DENND1B: variants seen among roughly 807,000 people sequenced by gnomAD.
DENND1B encodes DENN domain containing 1B.
A neutral mutation model predicts 90.1 loss-of-function variants in DENND1B; 59 were observed. The observed-to-expected ratio is 0.65, with a 90% CI of 0.53 to 0.81. The LOEUF (loss-of-function observed/expected upper bound fraction) is 0.81, where lower values mean the gene tolerates loss of function less well. Among genes scored for constraint, DENND1B ranks in the 40% least tolerant of loss-of-function variants. The pLI is 0.00. For missense variants in DENND1B, 862 were observed against 912.6 expected (o/e 0.94, Z 0.71); for synonymous variants, 337 against 324.6 (o/e 1.04, Z -0.41).
chr1:197,632,405 T>C (rs900497692), intron 10 of DENND1B, among the ~76,000 whole-genome samples: 2 of 152,124 alleles, frequency 1.3e-5, no homozygotes, highest in Non-Finnish European at 2.9e-5. Flanking sequence ...TAAAGATATA[T>C]TTCCTAGACA....
chr1:197,689,369 T>A (rs909384784), intron 3 of DENND1B: 2 of 152,074 alleles, frequency 1.3e-5, no homozygotes, highest in African/African-American at 4.8e-5. Context: ...TTCAATTATC[T>A]CTCACCAGGT....
intron 15 of DENND1B, among the ~76,000 whole-genome samples, chr1:197,577,526 A>T (rs1673792470): frequency 6.6e-6 from 1 of 152,188 alleles, no homozygotes; most frequent in Non-Finnish European, 1.5e-5. Context: ...CGTGGTCCTT[A>T]GCCATGGTGA....
chr1:197,650,856 A>G (rs1653075076), intron 7 of DENND1B, among the ~76,000 whole-genome samples: 1 of 152,108 alleles, frequency 6.6e-6, no homozygotes, highest in Non-Finnish European at 1.5e-5. Context: ...TGGACTTTGG[A>G]GACTTGGGGA....
At chr1:197,715,174 T>C (rs1660530300) in intron 2 of DENND1B, 100 bp from the exon 3 acceptor site, 3 of 834,276 alleles carry the variant, frequency 3.6e-6, no homozygotes, top group Non-Finnish European at 5.6e-6. Context: ...GCTACTTTAA[T>C]TACAACATTT....
intron 2 of DENND1B, among the ~76,000 whole-genome samples, chr1:197,720,733 C>T (rs1339366203): frequency 3.9e-5 from 6 of 151,944 alleles, no homozygotes; most frequent in Non-Finnish European, 5.9e-5. Flanking sequence ...CTCATTTTGA[C>T]AAAGTAGTAA....
chr1:197,699,524 C>T (rs1186196927), intron 3 of DENND1B, among the ~76,000 whole-genome samples: 6 of 152,142 alleles, frequency 3.9e-5, no homozygotes, highest in Admixed American at 3.9e-4. Context: ...TCTCTCACTA[C>T]TCCTATTCAA....
chr1:197,629,773 T>C (rs1459625263), intron 10 of DENND1B, among the ~76,000 whole-genome samples: 1 of 151,846 alleles, frequency 6.6e-6, no homozygotes, highest in African/African-American at 2.4e-5. Flanking sequence ...GCCACGGACT[T>C]TAGAGGAAAT....
At chr1:197,560,695 A>C (rs182307051) in intron 15 of DENND1B, among the ~76,000 whole-genome samples, 1 of 151,854 alleles carries the variant, frequency 6.6e-6, no homozygotes, top group African/African-American at 2.4e-5. Flanking sequence ...AGCCATAATG[A>C]CTATTTGCAC....
At chr1:197,648,908 A>T (rs1166136311) in intron 7 of DENND1B, among the ~76,000 whole-genome samples, 1 of 152,232 alleles carries the variant, frequency 6.6e-6, no homozygotes, top group Admixed American at 6.5e-5. Flanking sequence ...AATTTGGGTT[A>T]AAAATTCCAG....
chr1:197,529,950 T>G (rs1460975599), intron 20 of DENND1B, among the ~76,000 whole-genome samples: 3 of 152,126 alleles, frequency 2.0e-5, no homozygotes, highest in Non-Finnish European at 4.4e-5. Context: ...CCTGTTAGGC[T>G]GGGGCTGCTG....
rs11810711 is a variant in DENND1B, at chr1:197,695,775, C to T, written c.126+19256G>A. Among the ~76,000 whole-genome samples the T allele has an allele frequency of 5.8e-3, 880 of 150,962 alleles. 9 individuals carry two copies. Among genetic ancestry groups the T allele is most frequent in the African/African-American group, 0.02 (811 of 41,368 alleles). ...AAAATATCCAATTTTTAGAAATCCA[C>T]GATCATTTAAATATTTATTTTCAGA... On this transcript the variant is annotated intron_variant, in intron 3 of 22. Transcript: ENST00000620048.
intron 18 of DENND1B, among the ~76,000 whole-genome samples, chr1:197,543,175 T>G (rs1670471299): frequency 6.6e-6 from 1 of 152,138 alleles, no homozygotes; most frequent in Non-Finnish European, 1.5e-5. Flanking sequence ...CCTCAAGCGA[T>G]CCACCTGCCT....
In DENND1B at chr1:197,706,088, C is replaced by T. The variant is rs1033524041; in HGVS notation, c.126+8943G>A. ...GTCTGTAGGCTTATTTCTGAATGAACTGCTTTAAACACATACTTTTATCAG... is the reference window on the plus strand; with the variant it reads ...GTCTGTAGGCTTATTTCTGAATGAATTGCTTTAAACACATACTTTTATCAG... On this transcript the variant is annotated intron_variant, in intron 3 of 22. Coordinates refer to ENST00000620048, the MANE Select transcript of DENND1B (RefSeq NM_001195215.2). 4.6e-5 allele frequency among the ~76,000 whole-genome samples: 7 copies of T among 152,096 alleles called. No individual in the cohort carries two copies. The East Asian group carries it at 1.3e-3, about 29-fold the overall frequency.
At chr1:197,701,828 CTAATT>C (rs1479395633) in intron 3 of DENND1B, among the ~76,000 whole-genome samples, 1 of 152,022 alleles carries the variant, frequency 6.6e-6, no homozygotes, top group Non-Finnish European at 1.5e-5. Context: ...TTTTTCATCT[CTAATT>C]TAAGAGTAAC....
At chr1:197,545,268 G>T (rs1670722214) in intron 18 of DENND1B, among the ~76,000 whole-genome samples, 1 of 152,066 alleles carries the variant, frequency 6.6e-6, no homozygotes, top group Non-Finnish European at 1.5e-5. Context: ...AGCCAGGCAT[G>T]GTGGTGGGTG....
intron 3 of DENND1B, among the ~76,000 whole-genome samples, chr1:197,698,028 A>C (rs552919723): frequency 5.1e-4 from 77 of 152,236 alleles, no homozygotes; most frequent in African/African-American, 1.6e-3. Context: ...AAAATTAACA[A>C]GGATGTTCAG....
chr1:197,580,107 T>A (rs1305412464), intron 15 of DENND1B, among the ~76,000 whole-genome samples: 14 of 143,306 alleles, frequency 9.8e-5, no homozygotes, highest in African/African-American at 2.1e-4. Flanking sequence ...TTTTTTTTTT[T>A]TTGAGATAAG....
At chr1:197,695,341 G>C (rs1658324483) in intron 3 of DENND1B, among the ~76,000 whole-genome samples, 1 of 150,862 alleles carries the variant, frequency 6.6e-6, no homozygotes, top group Admixed American at 6.6e-5. Flanking sequence ...TATAGTGGTT[G>C]TATGTACAAA....
chr1:197,770,842 ATATAAATATATATCTATAAATAT>A, intron 2 of DENND1B, among the ~76,000 whole-genome samples: 1 of 97,036 alleles, frequency 1.0e-5, no homozygotes, highest in Non-Finnish European at 2.4e-5. Context: ...CTATAAATAT[ATATAAATATATATCTATAAATAT>A]ATATCTATAA....
Sources: gnomAD v4.1 joint callset for allele counts (sites outside exome capture counted in the v4.1 genomes callset) on GRCh38, gnomAD v4.1.1 for gene constraint, MANE v1.5 for transcripts, NCBI Gene and HGNC (gene_info 2026-07-23, HGNC 2026-07-21) for gene names.